Variants in IQSEC1 observed in about 807,000 individuals in gnomAD.
The protein encoded by IQSEC1 is IQ motif and SEC7 domain-containing protein 1.
A neutral mutation model predicts 91.0 loss-of-function variants in IQSEC1; 31 were observed. The ratio of observed to expected loss-of-function variants is 0.34; its 90% confidence interval spans 0.26 to 0.46. The LOEUF (loss-of-function observed/expected upper bound fraction) is 0.46. IQSEC1 is among the 20% of genes least tolerant of loss of function. The probability of loss-of-function intolerance (pLI) is 1.00; values close to 1 mark genes in which losing one functional copy is unlikely to be tolerated. For missense variants in IQSEC1, 1,388 were observed against 1,575.6 expected (o/e 0.88, Z 2.02); for synonymous variants, 699 against 662.6 (o/e 1.05, Z -0.84).
chr3:13,080,714 C>T lies in IQSEC1; in HGVS notation c.303-33192G>A, dbSNP rs184875491. Among the ~76,000 whole-genome samples, 787 of 152,260 alleles carry T rather than the reference C, an allele frequency of 5.2e-3. 9 individuals are homozygous for T. The highest frequency in any genetic ancestry group is 0.017 in the African/African-American group (717 of 41,538). On this transcript the variant is annotated intron_variant, in intron 2 of 15. Transcript: ENST00000648114. ...CAACGGCCACTTCCCTGGGCAAGTG[C>T]GCTCCCTCCCTGCCTCAGCCTCAGC...
intron 1 of IQSEC1, among the ~76,000 whole-genome samples, chr3:13,266,136 A>C (rs957373270): frequency 1.3e-5 from 2 of 152,012 alleles, no homozygotes; most frequent in Non-Finnish European, 2.9e-5. Context: ...TCTTGAACCC[A>C]TTTTCCATAT....
intron 2 of IQSEC1, among the ~76,000 whole-genome samples, chr3:13,084,521 C>G (rs550105983): frequency 4.6e-5 from 7 of 152,214 alleles, no homozygotes; most frequent in Non-Finnish European, 8.8e-5. Context: ...TGGGGCTGAC[C>G]GTCCAGTGGA....
rs543269371 is a variant in IQSEC1 at position 13,256,887 on chromosome 3, C to T, written c.272+25824G>A. Reference sequence around the variant, plus strand: ...GAGGGTGCAGCACCAGCAGCGGGTGCAGCACCAGCAGCCAGCGGCCCCTAT... The same window carrying T: ...GAGGGTGCAGCACCAGCAGCGGGTGTAGCACCAGCAGCCAGCGGCCCCTAT... On this transcript the variant is annotated intron_variant, in intron 1 of 15. Transcript: ENST00000648114. 1.5e-3 allele frequency among the ~76,000 whole-genome samples: 193 copies of T among 129,088 alleles called. 2 individuals carry two copies. Among genetic ancestry groups the T allele is most frequent in the Non-Finnish European group, 2.7e-3 (169 of 62,126 alleles). 84.7% of individuals were successfully genotyped at this position (129,088 alleles called of 152,430 possible). A position where few individuals can be genotyped will look rare whatever the true frequency, so the allele number is the denominator to read the frequency against.
At chr3:12,945,837 T>C (rs1398066059) in intron 1 of IQSEC1, among the ~76,000 whole-genome samples, 3 of 152,376 alleles carry the variant, frequency 2.0e-5, no homozygotes, top group East Asian at 1.9e-4. Context: ...GACAAGTACA[T>C]GCAGCCATGG....
chr3:12,902,285 C>T (rs567417825), intron 13 of IQSEC1, among the ~76,000 whole-genome samples: 7 of 152,188 alleles, frequency 4.6e-5, no homozygotes, highest in South Asian at 2.1e-4. Flanking sequence ...GGTGTCCTGC[C>T]GCAGACACAC....
At chr3:13,250,398 G>A (rs1419921864) in intron 1 of IQSEC1, among the ~76,000 whole-genome samples, 4 of 151,512 alleles carry the variant, frequency 2.6e-5, no homozygotes, top group Non-Finnish European at 5.9e-5. Context: ...AACTGTCAGC[G>A]AGTGCTATCA....
chr3:12,927,292 T>C (rs952354424), intron 3 of IQSEC1, among the ~76,000 whole-genome samples: 3 of 152,114 alleles, frequency 2.0e-5, no homozygotes, highest in African/African-American at 7.3e-5. Flanking sequence ...TTCTGAAAAA[T>C]CAGACCTTCT....
chr3:13,003,276 C>CAAAAAAAAAAAA (rs56239928), intron 1 of IQSEC1, among the ~76,000 whole-genome samples: 1 of 57,102 alleles, frequency 1.8e-5, no homozygotes. Flanking sequence ...CTGTCTCTAC[C>CAAAAAAAAAAAA]AAAAAAAAAA....
chr3:13,225,901 A>AAGG (rs1188773850), intron 1 of IQSEC1, among the ~76,000 whole-genome samples: 2 of 151,494 alleles, frequency 1.3e-5, no homozygotes, highest in African/African-American at 2.4e-5. Flanking sequence ...TTTTTTTGAG[A>AAGG]AGGAGTCCCA....
chr3:13,200,519 C>T (rs1379932454), intron 1 of IQSEC1, among the ~76,000 whole-genome samples: 1 of 152,240 alleles, frequency 6.6e-6, no homozygotes. Context: ...AAATCCAGGG[C>T]TGGATCCCTT....
chr3:13,046,561 G>A (rs1351063885), intron 1 of IQSEC1, among the ~76,000 whole-genome samples: 1 of 152,204 alleles, frequency 6.6e-6, no homozygotes, highest in Non-Finnish European at 1.5e-5. Context: ...GACCTTGTGA[G>A]TCTCTTTTTG....
intron 1 of IQSEC1, among the ~76,000 whole-genome samples, chr3:13,272,142 AG>A (rs2125146178): frequency 6.6e-6 from 1 of 152,366 alleles, no homozygotes; most frequent in African/African-American, 2.4e-5. Flanking sequence ...TCTAGATGAC[AG>A]CTCTGATAGG....
chr3:13,094,761 G>A (rs916441906), intron 2 of IQSEC1, among the ~76,000 whole-genome samples: 6 of 152,092 alleles, frequency 3.9e-5, no homozygotes, highest in Non-Finnish European at 8.8e-5. Flanking sequence ...CACGAGCTCC[G>A]GGATCTTCTC....
At chr3:13,131,074 A>AAGGAAGGAAGGAAGG (rs1706608729) in intron 2 of IQSEC1, among the ~76,000 whole-genome samples, 1 of 151,910 alleles carries the variant, frequency 6.6e-6, no homozygotes. Context: ...GGAGGGAGGG[A>AAGGAAGGAAGGAAGG]AGGTGAAATC....
intron 2 of IQSEC1, among the ~76,000 whole-genome samples, chr3:13,083,697 G>A (rs1424875375): frequency 6.6e-6 from 1 of 152,252 alleles, no homozygotes; most frequent in Non-Finnish European, 1.5e-5. Flanking sequence ...ATGAAATGGT[G>A]TCTCCTCCAA....
intron 1 of IQSEC1, among the ~76,000 whole-genome samples, chr3:12,998,342 C>A (rs1044307568): frequency 1.3e-4 from 20 of 151,908 alleles, no homozygotes; most frequent in African/African-American, 4.8e-4. Context: ...CAGAGTGAGA[C>A]CCTGTCTCAA....
In IQSEC1 at chr3:12,941,772, C is replaced by T. The variant is rs917352662; in HGVS notation, c.117G>A (p.Leu39=). The change falls in exon 2 of 14, where the codon CTG becomes CTA. Residue 39 remains leucine (L), a synonymous_variant. Coordinates refer to ENST00000613206, the MANE Select transcript of IQSEC1 (RefSeq NM_001134382.3). ...PQGPLVPGSS[L]SPDHYEHTSV... ...ACGTGTGCTCGTAGTGATCCGGGCT[C>T]AGGCTGGAACCGGGCACCAAGGGGC... 1 of 1,611,888 alleles carries T rather than the reference C, an allele frequency of 6.2e-7. No homozygotes were observed. Among genetic ancestry groups the T allele is most frequent in the Admixed American group, 1.7e-5 (1 of 59,966 alleles).
At position 13,103,111 on chromosome 3, in the gene IQSEC1, C is replaced by A. The variant is rs918528888; in HGVS notation, c.303-55589G>T. Among the ~76,000 whole-genome samples, 3 of 152,122 alleles carry A rather than the reference C, an allele frequency of 2.0e-5. No homozygotes were observed. Among genetic ancestry groups the A allele is most frequent in the African/African-American group, 7.2e-5 (3 of 41,510 alleles). On this transcript the variant is annotated intron_variant, in intron 2 of 15. Transcript: ENST00000648114. This position sits in a 1 kb window ranked among gnomAD's most constrained non-coding sequence, Gnocchi z 4.1. ...CCCATGCTCTGAAGTAGAGCCAGGG[C>A]CCCAGGGCTCTGCCCCAGCCCCTCC...
In IQSEC1 at chr3:13,266,927, G is replaced by A. The variant is rs144692406; in HGVS notation, c.272+15784C>T. ...GACGGCAGGAACGCCCTGGGCCCCC[G>A]CTGCACCCCTGACCCCTGGCTGCAC... On this transcript the variant is annotated intron_variant, in intron 1 of 15. Transcript: ENST00000648114. Among the ~76,000 whole-genome samples, 19 of 152,072 alleles carry A rather than the reference G, an allele frequency of 1.2e-4. No homozygotes were observed. In the East Asian group the frequency reaches 2.1e-3, roughly 17 times the overall value.
Sources: allele counts gnomAD v4.1 joint callset (sites outside exome capture counted in the v4.1 genomes callset), GRCh38; gene constraint gnomAD v4.1.1; non-coding constraint Gnocchi (gnomAD v3.1); transcripts MANE v1.5; gene names NCBI Gene and HGNC (gene_info 2026-07-23, HGNC 2026-07-21).